EML6: variants seen among roughly 807,000 people sequenced by gnomAD.
EML6 encodes the protein EMAP like 6, also known as echinoderm microtubule-associated protein-like 6.
In EML6, 154 loss-of-function variants were observed where a neutral mutation model predicts 240.1. That is an observed-to-expected ratio of 0.64 (90% CI 0.56 to 0.73). The LOEUF (loss-of-function observed/expected upper bound fraction) is 0.73, where lower values mean the gene tolerates loss of function less well. EML6 is among the 30% of genes least tolerant of loss of function. The probability of loss-of-function intolerance (pLI) is 0.00; values close to 1 mark genes in which losing one functional copy is unlikely to be tolerated. For missense variants in EML6, 2,964 were observed against 2,474.6 expected (o/e 1.20, Z -4.20); for synonymous variants, 1,148 against 899.0 (o/e 1.28, Z -4.95).
intron 28 of EML6, among the ~76,000 whole-genome samples, chr2:54,933,678 G>A (rs1674980962): frequency 6.6e-6 from 1 of 152,082 alleles, no homozygotes; most frequent in Non-Finnish European, 1.5e-5. Flanking sequence ...GTTGCAGCAA[G>A]CCAAGATGGC....
intron 4 of EML6, among the ~76,000 whole-genome samples, chr2:54,817,500 T>A (rs1668132610): frequency 6.6e-6 from 1 of 152,212 alleles, no homozygotes; most frequent in Admixed American, 6.5e-5. Context: ...CATGACTGTC[T>A]TACTTGAATT....
At chr2:54,963,936 C>T (rs1489526021) in intron 36 of EML6, 50 bp from the exon 37 acceptor site, 1 of 1,500,316 alleles carries the variant, frequency 6.7e-7, no homozygotes. Flanking sequence ...CTCCTGGAGA[C>T]CAGCTGAGGG....
intron 8 of EML6, among the ~76,000 whole-genome samples, chr2:54,844,803 T>C (rs1294345382): frequency 2.0e-5 from 3 of 152,234 alleles, no homozygotes; most frequent in Non-Finnish European, 4.4e-5. Flanking sequence ...CTGTGGATCA[T>C]TTTTATTCTT....
chr2:54,892,657 G>A lies in EML6; in HGVS notation c.2742+1G>A. 6.5e-7 allele frequency: 1 copy of A among 1,548,570 alleles called. No homozygotes were observed. The highest frequency in any genetic ancestry group is 8.7e-7 in the Non-Finnish European group (1 of 1,144,942). ...GTTTGCTATGTATGCACTGGATAAG[G>A]TATGGCCTGTGTATCAGCATTCATT... On this transcript the variant is annotated splice_donor_variant, in intron 19 of 41. Transcript: ENST00000356458. LOFTEE classifies it high-confidence loss of function.
chr2:54,837,826 A>G (rs1669234420), intron 7 of EML6, among the ~76,000 whole-genome samples: 1 of 152,224 alleles, frequency 6.6e-6, no homozygotes, highest in Non-Finnish European at 1.5e-5. Flanking sequence ...GGGCGCAAGC[A>G]TCTGTGTCTT....
At chr2:54,823,343 TAA>T (rs1438579232) in intron 5 of EML6, among the ~76,000 whole-genome samples, 1 of 152,092 alleles carries the variant, frequency 6.6e-6, no homozygotes, top group African/African-American at 2.4e-5. Flanking sequence ...TGTCAGGAGT[TAA>T]GAGAGGCATT....
chr2:54,752,934 A>T (rs1684238994), intron 2 of EML6, among the ~76,000 whole-genome samples: 1 of 152,180 alleles, frequency 6.6e-6, no homozygotes, highest in Admixed American at 6.5e-5. Context: ...TGCCACAGGC[A>T]TCCGCCACCA....
At chr2:54,861,161 C>T (rs1227151234) in intron 12 of EML6, among the ~76,000 whole-genome samples, 1 of 152,180 alleles carries the variant, frequency 6.6e-6, no homozygotes, top group Non-Finnish European at 1.5e-5. Context: ...CTTCCAGCAG[C>T]CAGAGCTCAG....
At chr2:54,846,512 C>T (rs1669763261) in intron 8 of EML6, among the ~76,000 whole-genome samples, 2 of 146,400 alleles carry the variant, frequency 1.4e-5, no homozygotes, top group Admixed American at 1.4e-4. Flanking sequence ...GAGACAGGGC[C>T]TTGCTCTGTT....
intron 2 of EML6, among the ~76,000 whole-genome samples, chr2:54,772,328 G>A (rs570739323): frequency 1.3e-5 from 2 of 152,298 alleles, no homozygotes; most frequent in South Asian, 4.1e-4. Context: ...ATGAACAGAG[G>A]TGACTAATTC....
chr2:54,901,723 T>G (rs974224816), intron 22 of EML6, among the ~76,000 whole-genome samples: 2 of 152,216 alleles, frequency 1.3e-5, no homozygotes, highest in Non-Finnish European at 2.9e-5. Flanking sequence ...TGAACACAGC[T>G]TTCAGCATAC....
intron 2 of EML6, among the ~76,000 whole-genome samples, chr2:54,744,426 C>T (rs913664376): frequency 2.6e-5 from 4 of 152,040 alleles, no homozygotes; most frequent in Admixed American, 1.3e-4. Flanking sequence ...AATCCAAATG[C>T]GGAGGTGAGC....
chr2:54,811,259 T>C lies in EML6; in HGVS notation c.198-1973T>C, dbSNP rs567906248. ...TGTTTATGCTGTGTCCTGCTGAAAA[T>C]AGTCAGTGGTACCCTAATTTCCTGG... On this transcript the variant is annotated intron_variant, in intron 2 of 41. Transcript: ENST00000356458. 7.2e-5 allele frequency among the ~76,000 whole-genome samples: 11 copies of C among 152,312 alleles called. No individual in the cohort carries two copies. In the South Asian group the frequency reaches 1.7e-3, roughly 23 times the overall value.
chr2:54,804,716 C>A (rs1236331792), intron 2 of EML6, among the ~76,000 whole-genome samples: 1 of 152,168 alleles, frequency 6.6e-6, no homozygotes, highest in Non-Finnish European at 1.5e-5. Flanking sequence ...TGTAAATTTG[C>A]CCCTGCTCTA....
chr2:54,960,336 T>G lies in EML6; in HGVS notation c.4968+2T>G. On this transcript the variant is annotated splice_donor_variant, in intron 35 of 41. Coordinates refer to ENST00000356458, the MANE Select transcript of EML6 (RefSeq NM_001039753.4). LOFTEE classifies it high-confidence loss of function. ...GTGCGCTCCGTGTGCCGTGGAAAAG[T>G]GAGCACAGCCAGCTCCCCTGGGGGC... 1 of 1,547,806 alleles carries G rather than the reference T, an allele frequency of 6.5e-7. No individual in the cohort carries two copies. Among genetic ancestry groups the G allele is most frequent in the Non-Finnish European group, 8.7e-7 (1 of 1,145,410 alleles).
chr2:54,958,916 A>G (rs1303052946), intron 33 of EML6, among the ~76,000 whole-genome samples, 188 bp from the exon 34 acceptor site: 2 of 152,084 alleles, frequency 1.3e-5, no homozygotes, highest in African/African-American at 4.8e-5. Context: ...TTTCCAAGCC[A>G]GGTGACTGCC....
At chr2:54,904,548 A>AG (rs1301916547) in intron 24 of EML6, among the ~76,000 whole-genome samples, 3 of 152,218 alleles carry the variant, frequency 2.0e-5, no homozygotes, top group Admixed American at 1.3e-4. Context: ...CTATCAAGGA[A>AG]GAGCCATTCC....
chr2:54,870,501 T>C (rs1353474287), intron 15 of EML6, among the ~76,000 whole-genome samples: 1 of 152,210 alleles, frequency 6.6e-6, no homozygotes, highest in Non-Finnish European at 1.5e-5. Flanking sequence ...CGTTGGTTTA[T>C]ACATGAATTT....
chr2:54,913,735 G>T (rs1232433116), intron 25 of EML6, among the ~76,000 whole-genome samples: 1 of 151,998 alleles, frequency 6.6e-6, no homozygotes, highest in Non-Finnish European at 1.5e-5. Context: ...CTTTCCCAAG[G>T]CCAATGTCCA....
Sources: gnomAD v4.1 joint callset for allele counts (sites outside exome capture counted in the v4.1 genomes callset) on GRCh38, gnomAD v4.1.1 for gene constraint, MANE v1.5 for transcripts, NCBI Gene and HGNC (gene_info 2026-07-23, HGNC 2026-07-21) for gene names.